Variants in FUCA1 observed in about 807,000 individuals in gnomAD.
The protein encoded by FUCA1 is tissue alpha-L-fucosidase.
FUCA1 carries 52 observed loss-of-function variants against 56.8 expected under a neutral mutation model. The ratio of observed to expected loss-of-function variants is 0.92; its 90% CI spans 0.73 to 1.15. The LOEUF (loss-of-function observed/expected upper bound fraction) is 1.15, where lower values mean the gene tolerates loss of function less well. Among genes scored for constraint, FUCA1 ranks in the 50% most tolerant of loss-of-function variants. The probability of loss-of-function intolerance (pLI) is 0.00; values close to 1 mark genes in which losing one functional copy is unlikely to be tolerated. For synonymous variants in FUCA1, 230 were observed against 226.6 expected (o/e 1.02, Z -0.14); for missense variants, 568 against 592.6 (o/e 0.96, Z 0.43).
At chr1:23,859,645 C>T (rs1041196159) in intron 4 of FUCA1, among the ~76,000 whole-genome samples, 153 bp downstream of exon 4, 1 of 151,734 alleles carries the variant, frequency 6.6e-6, no homozygotes, top group Non-Finnish European at 1.5e-5. Context: ...AAAGGAGAAA[C>T]CTTTAACATC....
intron 3 of FUCA1, among the ~76,000 whole-genome samples, chr1:23,860,878 A>T (rs1284861781): frequency 6.6e-6 from 1 of 151,792 alleles, no homozygotes; most frequent in Admixed American, 6.6e-5. Context: ...GCAGCAAGTG[A>T]TCCACCTGCC....
chr1:23,845,439 T>C lies in FUCA1; in HGVS notation c.*276A>G, dbSNP rs1451817432. 2.1e-6 allele frequency: 1 copy of C among 480,448 alleles called. No homozygotes were observed. Among genetic ancestry groups the C allele is most frequent in the Non-Finnish European group, 3.8e-6 (1 of 263,560 alleles). The allele number at this position is 480,448 out of a possible 1,614,324, so 29.8% of individuals were successfully genotyped here. On this transcript the variant is annotated 3_prime_UTR_variant, in exon 8 of 8. Coordinates refer to ENST00000374479, the MANE Select transcript of FUCA1 (RefSeq NM_000147.5). ...AGAGAACAGAGGGAAGATTCCATTG[T>C]AGATAATTTCCAAATATTACAATTG...
chr1:23,860,687 G>A (rs1639489916), intron 3 of FUCA1, among the ~76,000 whole-genome samples: 1 of 149,732 alleles, frequency 6.7e-6, no homozygotes, highest in Admixed American at 6.7e-5. Context: ...CTCCCAGGCT[G>A]GAGTGCAGTG....
chr1:23,852,050 T>G (rs1557507999), intron 5 of FUCA1, among the ~76,000 whole-genome samples: 4 of 142,022 alleles, frequency 2.8e-5, no homozygotes, highest in Non-Finnish European at 4.6e-5. Flanking sequence ...AAAAAATAAT[T>G]AAAATCAATC....
At chr1:23,849,538 C>T (rs1360715276) in intron 5 of FUCA1, among the ~76,000 whole-genome samples, 1 of 149,138 alleles carries the variant, frequency 6.7e-6, no homozygotes, top group Non-Finnish European at 1.5e-5. Flanking sequence ...AATGAACATG[C>T]TGCCCCTTTG....
At chr1:23,852,821 C>T (rs1006732402) in intron 5 of FUCA1, among the ~76,000 whole-genome samples, 1 of 151,784 alleles carries the variant, frequency 6.6e-6, no homozygotes, top group African/African-American at 2.4e-5. Context: ...GATCTCCGCT[C>T]GCTACAACCT....
chr1:23,853,210 A>G (rs147962959), intron 5 of FUCA1, among the ~76,000 whole-genome samples: 2 of 143,220 alleles, frequency 1.4e-5, no homozygotes, highest in Non-Finnish European at 1.5e-5. Context: ...CAGCCGCCCC[A>G]TCTGAGAAGT....
chr1:23,865,578 G>A lies in FUCA1; in HGVS notation c.437C>T (p.Pro146Leu), dbSNP rs2228424. The A allele has an allele frequency of 1.3e-3, 2,076 of 1,614,174 alleles. 27 individuals are homozygous for A. The African/African-American group carries it at 0.024, about 19-fold the overall frequency. The change falls in exon 2 of 8, where the codon CCG becomes CTG. Residue 146 changes from proline (P) to leucine (L), a missense_variant. Coordinates refer to ENST00000374479, the MANE Select transcript of FUCA1 (RefSeq NM_000147.5). ...GTTCCAGTTCCAAGACACAGGACTC[G>A]GCCAGTTTGTGAAGCCTTCGTGATG... ...TKHHEGFTNW[P>L]SPVSWNWNSK...
chr1:23,868,092 G>A lies in FUCA1; in HGVS notation c.195C>T (p.Gly65=). The change falls in exon 1 of 8, where the codon GGC becomes GGT. Residue 65 remains glycine, a synonymous_variant. Transcript: ENST00000374479. The part of the protein sequence containing the change: ...EAKFGVFIHW[G]VFSVPAWGSE... The stretch of plus-strand genomic sequence containing the variant: ...TGCCCCAGGCGGGCACCGAGAACAC[G>A]CCCCAGTGGATGAACACCCCGAACT... 6.2e-7 allele frequency: 1 copy of A among 1,611,842 alleles called. No homozygotes were observed. The highest frequency in any genetic ancestry group is 8.5e-7 in the Non-Finnish European group (1 of 1,179,606).
Position 23,867,849 on chromosome 1 carries a change from T to C in FUCA1, c.389+49A>G, listed in dbSNP as rs1639656074. On this transcript the variant is annotated intron_variant, in intron 1 of 7. Transcript: ENST00000374479. This position sits in a 1 kb window ranked among gnomAD's most constrained non-coding sequence, Gnocchi z 4.9. ...GCTGGCCGCCCAGCCCCACCTCCTGTTTGCCGCCCGAGCCGGGAAGGGGCG... is the reference window on the plus strand; with the variant it reads ...GCTGGCCGCCCAGCCCCACCTCCTGCTTGCCGCCCGAGCCGGGAAGGGGCG... The C allele has an allele frequency of 6.6e-7, 1 of 1,518,250 alleles. No individual in the cohort carries two copies. The highest frequency in any genetic ancestry group is 8.8e-7 in the Non-Finnish European group (1 of 1,136,992). 94.0% of individuals were successfully genotyped at this position (1,518,250 alleles called of 1,614,324 possible). A position where few individuals can be genotyped will look rare whatever the true frequency, so the allele number is the denominator to read the frequency against.
Position 23,848,764 on chromosome 1 carries a change from G to C in FUCA1, c.1045C>G (p.Pro349Ala). 6.2e-7 allele frequency: 1 copy of C among 1,614,040 alleles called. No individual in the cohort carries two copies. Among genetic ancestry groups the C allele is most frequent in the Non-Finnish European group, 8.5e-7 (1 of 1,179,920 alleles). ...IGPTKDGLIV[P>A]IFQERLLAVG... The stretch of plus-strand genomic sequence containing the variant: ...GCAAGAAGCCTTTCTTGGAAGATGG[G>C]AACAATCAGTCCATCTTTAGTTGGT... The change falls in exon 6 of 8, where the codon CCC becomes GCC. Residue 349 changes from proline to alanine, a missense_variant. Pro to Ala is a conservative substitution (Grantham distance 27). Coordinates refer to ENST00000374479, the MANE Select transcript of FUCA1 (RefSeq NM_000147.5).
intron 4 of FUCA1, 43 bp from the exon 5 acceptor site, chr1:23,854,603 T>C (rs1320612422): frequency 1.4e-6 from 2 of 1,449,208 alleles, no homozygotes; most frequent in Admixed American, 3.3e-5. Context: ...GTAAAACCAC[T>C]TGACTTCTTT....
intron 2 of FUCA1, among the ~76,000 whole-genome samples, chr1:23,864,993 G>A (rs1222463918): frequency 2.6e-5 from 4 of 152,090 alleles, no homozygotes; most frequent in African/African-American, 9.7e-5. Flanking sequence ...GTGAGTCAAC[G>A]CACCCGACCA....
chr1:23,848,082 T>C (rs1322574939), intron 6 of FUCA1, among the ~76,000 whole-genome samples: 3 of 151,864 alleles, frequency 2.0e-5, no homozygotes, highest in Non-Finnish European at 4.4e-5. Flanking sequence ...CAACAGAAAA[T>C]GGACTAAGAC....
intron 2 of FUCA1, among the ~76,000 whole-genome samples, chr1:23,864,109 T>A (rs1254791787): frequency 7.1e-6 from 1 of 141,640 alleles, no homozygotes; most frequent in African/African-American, 2.6e-5. Context: ...TTTTTTGAGA[T>A]GGAGTCTCGC....
chr1:23,866,852 A>G (rs1460407085), intron 1 of FUCA1, among the ~76,000 whole-genome samples: 1 of 152,180 alleles, frequency 6.6e-6, no homozygotes. Flanking sequence ...AATTTTTCTC[A>G]CTTGTAAGTT....
At chr1:23,863,048 A>G (rs990602632) in intron 3 of FUCA1, 86 bp downstream of exon 3, 15 of 1,399,544 alleles carry the variant, frequency 1.1e-5, no homozygotes, top group East Asian at 4.6e-5. Flanking sequence ...TTTCATACCT[A>G]TCCCTCCTCC....
intron 5 of FUCA1, 46 bp from the exon 6 acceptor site, chr1:23,848,885 C>G: frequency 6.8e-7 from 1 of 1,477,832 alleles, no homozygotes; most frequent in Non-Finnish European, 9.5e-7. Flanking sequence ...AATGCCAAGC[C>G]TGGCATCATG....
Position 23,845,956 on chromosome 1 carries a change from G to A in FUCA1, c.1261-101C>T. 3 of 1,546,724 alleles carry A rather than the reference G, an allele frequency of 1.9e-6. No individual in the cohort carries two copies. The South Asian group carries it at 3.3e-5, about 17-fold the overall frequency. ...AAACAGCCACGCTGGGCCAGGGCAG[G>A]AAAGCCAGTCTAAAAGAGGTGTGAA... On this transcript the variant is annotated intron_variant, in intron 7 of 7. Transcript: ENST00000374479.
Sources: gnomAD v4.1 joint callset for allele counts (sites outside exome capture counted in the v4.1 genomes callset) on GRCh38, gnomAD v4.1.1 for gene constraint, Gnocchi (gnomAD v3.1) non-coding constraint, MANE v1.5 for transcripts, NCBI Gene and HGNC (gene_info 2026-07-23, HGNC 2026-07-21) for gene names.